The following DNAH10 variants were observed in gnomAD, a reference collection of about 807,000 sequenced individuals.
DNAH10 encodes the protein dynein axonemal heavy chain 10.
DNAH10 carries 348 observed loss-of-function variants against 506.6 expected under a neutral mutation model. The observed-to-expected ratio is 0.69, with a 90% CI of 0.63 to 0.75. The LOEUF is 0.75. Ranked by LOEUF, DNAH10 falls within the 30% of genes least tolerant of loss-of-function variation. The probability of loss-of-function intolerance (pLI) is 0.00; values close to 1 mark genes in which losing one functional copy is unlikely to be tolerated. For synonymous variants in DNAH10, 2,059 were observed against 2,198.6 expected (o/e 0.94, Z 1.78); for missense variants, 5,179 against 5,787.1 (o/e 0.89, Z 3.41).
At chr12:123,818,719 G>A (rs146462365) in intron 21 of DNAH10, among the ~76,000 whole-genome samples, 6,715 of 151,950 alleles carry the variant, frequency 0.044, 189 homozygotes, top group Non-Finnish European at 0.063. Flanking sequence ...TGAGCTCAAG[G>A]GATCCTCCTG....
intron 50 of DNAH10, among the ~76,000 whole-genome samples, chr12:123,881,295 C>T (rs143154604): frequency 0.012 from 1,844 of 152,278 alleles, 39 homozygotes; most frequent in African/African-American, 0.042. Context: ...TATTTCTCCA[C>T]ATCCTCTCCA....
chr12:123,805,108 G>A (rs1958615254), intron 18 of DNAH10, 68 bp downstream of exon 18: 7 of 1,492,248 alleles, frequency 4.7e-6, no homozygotes, highest in Admixed American at 1.9e-5. Flanking sequence ...AATATGGACA[G>A]TTAGAGGGGG....
In DNAH10 at chr12:123,765,570, A is replaced by ATCTATCTATCTATCTG. The variant is rs1243993387; in HGVS notation, c.215-2021_215-2020insGTCTATCTATCTATCT. Among the ~76,000 whole-genome samples the ATCTATCTATCTATCTG allele has an allele frequency of 6.1e-5, 9 of 148,010 alleles. No homozygotes were observed. In the East Asian group the frequency reaches 1.7e-3, roughly 29 times the overall value. On this transcript the variant is annotated intron_variant, in intron 1 of 78. Transcript: ENST00000673944. ...CTATGCATCTATCTATACTTTATCTATCTATCTATCTATCTATCTATCTAT... is the reference window on the plus strand; with the variant it reads ...CTATGCATCTATCTATACTTTATCTATCTATCTATCTATCTGTCTATCTATCTATCTATCTATCTAT...
At chr12:123,932,811 T>C (rs1417241019) in intron 76 of DNAH10, 2 of 153,074 alleles carry the variant, frequency 1.3e-5, no homozygotes, top group African/African-American at 4.8e-5. Context: ...ACAGACATTT[T>C]GTGTTTGTTT....
At chr12:123,896,195 A>AGAGAGAGAGAGAGAGAGAGAGAAT (rs1953236264) in intron 54 of DNAH10, among the ~76,000 whole-genome samples, 1 of 144,008 alleles carries the variant, frequency 6.9e-6, no homozygotes, top group Non-Finnish European at 1.5e-5. Flanking sequence ...AGAGAGAGAG[A>AGAGAGAGAGAGAGAGAGAGAGAAT]ATATATTCCC....
rs947410974 is a variant in DNAH10, at chr12:123,800,376, A to G, written c.2450A>G (p.Asp817Gly). The change falls in exon 15 of 79, where the codon GAC becomes GGC. Residue 817 changes from aspartate (D) to glycine (G), a missense_variant. Around this residue, in one of 3 missense-constraint regions of DNAH10, gnomAD observed 4,844 missense variants for 5,430.5 expected, o/e 0.89. Transcript: ENST00000673944. Reference sequence around the variant, plus strand: ...GCAAGAAATGTTGCTCTCCAGGAAGACAAATTCCTTAGGTAAAAAAATTCT... The same window carrying G: ...GCAAGAAATGTTGCTCTCCAGGAAGGCAAATTCCTTAGGTAAAAAAATTCT... The part of the protein sequence containing the change: ...ELARNVALQE[D>G]KFLRYTAGIQ... 4 of 1,612,794 alleles carry G rather than the reference A, an allele frequency of 2.5e-6. No individual in the cohort carries two copies. The highest frequency in any genetic ancestry group is 3.4e-6 in the Non-Finnish European group (4 of 1,179,812).
rs10648649 is a variant in DNAH10, at chr12:123,854,069, GTTTTT to G, written c.6438+733_6438+737del. On this transcript the variant is annotated intron_variant, in intron 36 of 78. Transcript: ENST00000673944. ...TCTTTTGGGATTTTCACACATTTGG[GTTTTT>G]TTTTTTTTTTTTTTTGGAGGGGTCG... 7.5e-3 allele frequency among the ~76,000 whole-genome samples: 881 copies of G among 117,032 alleles called. 6 individuals carry two copies. The highest frequency in any genetic ancestry group is 0.027 in the African/African-American group (813 of 30,540). 76.8% of individuals were successfully genotyped at this position (117,032 alleles called of 152,430 possible).
At chr12:123,835,588 C>T (rs1276616283) in intron 28 of DNAH10, 60 bp downstream of exon 28, 2 of 1,559,478 alleles carry the variant, frequency 1.3e-6, no homozygotes, top group African/African-American at 2.7e-5. Context: ...GATATTTGTA[C>T]CTTTTTATTT....
Position 123,789,808 on chromosome 12 carries a change from G to T in DNAH10, c.1621-119G>T, listed in dbSNP as rs985434282. 6.5e-6 allele frequency: 6 copies of T among 923,174 alleles called. No homozygotes were observed. The Admixed American group carries it at 9.7e-5, about 15-fold the overall frequency. The allele number at this position is 923,174 out of a possible 1,614,324, so 57.2% of individuals were successfully genotyped here. A position where few individuals can be genotyped will look rare whatever the true frequency, so the allele number is the denominator to read the frequency against. ...ACCGAAGGGCTTAGTCCGGGAGGAG[G>T]TTACTGTGTGACATGATTCTTGCCC... On this transcript the variant is annotated intron_variant, in intron 10 of 78. Coordinates refer to ENST00000673944, the MANE Select transcript of DNAH10 (RefSeq NM_001372106.1).
chr12:123,908,746 C>G (rs990094821), intron 57 of DNAH10, among the ~76,000 whole-genome samples: 1 of 152,156 alleles, frequency 6.6e-6, no homozygotes, highest in African/African-American at 2.4e-5. Context: ...CTGGAAAGAG[C>G]CCAGGATGCG....
intron 30 of DNAH10, among the ~76,000 whole-genome samples, chr12:123,842,032 T>G (rs1202015250): frequency 6.6e-6 from 1 of 152,226 alleles, no homozygotes; most frequent in African/African-American, 2.4e-5. Context: ...ATAGCAGTCT[T>G]TCAATGATCA....
chr12:123,893,574 C>T (rs989355088), intron 53 of DNAH10, 138 bp downstream of exon 53: 2 of 973,360 alleles, frequency 2.1e-6, no homozygotes, highest in Non-Finnish European at 3.1e-6. Context: ...GGGCTCTGCA[C>T]TGTAGCTTGG....
chr12:123,881,835 G>A (rs1298158799), intron 51 of DNAH10, 22 bp downstream of exon 51: 1 of 1,453,474 alleles, frequency 6.9e-7, no homozygotes, highest in African/African-American at 1.5e-5. Flanking sequence ...TACCCTCCCA[G>A]AAATAGGTTT....
At position 123,919,134 on chromosome 12, in the gene DNAH10, G is replaced by A. The variant is rs1954620615; in HGVS notation, c.11506+185G>A. 1 of 732,220 alleles carries A rather than the reference G, an allele frequency of 1.4e-6. No homozygotes were observed. Among genetic ancestry groups the A allele is most frequent in the African/African-American group, 1.8e-5 (1 of 55,638 alleles). 45.4% of individuals were successfully genotyped at this position (732,220 alleles called of 1,614,324 possible). On this transcript the variant is annotated intron_variant, in intron 65 of 78. Transcript: ENST00000673944. This position sits in a 1 kb window ranked among gnomAD's most constrained non-coding sequence, Gnocchi z 4.9. ...TCCATCACCCAGGCTGGAATGCAGT[G>A]GTGCGATCACGGCTCACTGCAACCT...
At chr12:123,930,868 G>A (rs962565783) in intron 73 of DNAH10, among the ~76,000 whole-genome samples, 2 of 152,058 alleles carry the variant, frequency 1.3e-5, no homozygotes, top group African/African-American at 4.8e-5. Context: ...ACTGGGTGTG[G>A]TAGTGTAGAA....
In DNAH10 at chr12:123,881,638, A is replaced by C; in HGVS notation, c.8648A>C (p.Glu2883Ala). 6.6e-7 allele frequency: 1 copy of C among 1,525,356 alleles called. No homozygotes were observed. Among genetic ancestry groups the C allele is most frequent in the Non-Finnish European group, 8.8e-7 (1 of 1,139,556 alleles). 94.5% of individuals were successfully genotyped at this position (1,525,356 alleles called of 1,614,324 possible). A position where few individuals can be genotyped will look rare whatever the true frequency, so the allele number is the denominator to read the frequency against. The change falls in exon 51 of 79, where the codon GAG becomes GCG. Residue 2883 changes from glutamate (E) to alanine (A), a missense_variant. This residue lies in a region of DNAH10 where 4,844 missense variants were observed against 5,430.5 expected (regional missense o/e 0.89). Coordinates refer to ENST00000673944, the MANE Select transcript of DNAH10 (RefSeq NM_001372106.1). ...AKALFQEILE[E>A]YNESNTKMNL... is the part of the protein sequence containing the mutation. ...TTTTAAATGCAGGAAATTCTTGAAGAGTATAATGAAAGCAACACCAAAATG... is the reference window on the plus strand; with the variant it reads ...TTTTAAATGCAGGAAATTCTTGAAGCGTATAATGAAAGCAACACCAAAATG...
chr12:123,789,778 A>G, intron 10 of DNAH10, 149 bp from the exon 11 acceptor site: 1 of 694,122 alleles, frequency 1.4e-6, no homozygotes, highest in Non-Finnish European at 2.4e-6. Context: ...TGCCTTGGGC[A>G]TCGTACCGAA....
Position 123,781,115 on chromosome 12 carries a change from G to T in DNAH10, c.657G>T (p.Arg219Ser), listed in dbSNP as rs750394356. 1 of 1,613,860 alleles carries T rather than the reference G, an allele frequency of 6.2e-7. No individual in the cohort carries two copies. The highest frequency in any genetic ancestry group is 8.5e-7 in the Non-Finnish European group (1 of 1,179,884). ...FLPALSFNQH[R>S]TSTTVGVTSG... ...CAGCATTGTCCTTCAATCAGCACAG[G>T]ACGAGTACAACCGTGGGAGTCACAT... Residue 219 changes from arginine (R) to serine (S), a missense_variant, in exon 6 of 79, where the codon AGG (arginine) becomes AGT (serine). Coordinates refer to ENST00000673944, the MANE Select transcript of DNAH10 (RefSeq NM_001372106.1).
chr12:123,831,100 T>C (rs1960499008), intron 26 of DNAH10, among the ~76,000 whole-genome samples: 1 of 152,240 alleles, frequency 6.6e-6, no homozygotes, highest in South Asian at 2.1e-4. Flanking sequence ...AAAAAAATTT[T>C]TTCTTATTGT....
Sources: gnomAD v4.1 joint callset for allele counts (sites outside exome capture counted in the v4.1 genomes callset) on GRCh38, gnomAD v4.1.1 for gene constraint, gnomAD v4.1.1 regional missense constraint, Gnocchi (gnomAD v3.1) non-coding constraint, MANE v1.5 for transcripts, NCBI Gene and HGNC (gene_info 2026-07-23, HGNC 2026-07-21) for gene names.